The following SMIM14 variants were observed in gnomAD, a reference collection of about 807,000 sequenced individuals.
The protein encoded by SMIM14 is chromosome 4 open reading frame 34.
In SMIM14, 5 loss-of-function variants were observed where a neutral mutation model predicts 12.6. The observed-to-expected ratio is 0.40, with a 90% confidence interval of 0.21 to 0.83. SMIM14 has a LOEUF of 0.83. SMIM14 is among the 40% of genes least tolerant of loss of function. SMIM14 has a pLI of 0.37. For missense variants in SMIM14, 86 were observed against 119.1 expected, an observed-to-expected ratio of 0.72 and a Z score of 1.29; for synonymous variants, 30 against 40.1, an observed-to-expected ratio of 0.75 and a Z score of 0.95.
chr4:39,632,775 TCACACACACACA>T (rs369057968), intron 1 of SMIM14, among the ~76,000 whole-genome samples: 5,722 of 115,058 alleles, frequency 0.05, 199 homozygotes, highest in African/African-American at 0.093. Context: ...GAGACTCCCG[TCACACACACACA>T]CACACACACA....
At chr4:39,563,337 C>T (rs995602535) in intron 3 of SMIM14, among the ~76,000 whole-genome samples, 18 of 152,288 alleles carry the variant, frequency 1.2e-4, no homozygotes, top group African/African-American at 3.8e-4. Context: ...GATGGGATTA[C>T]AGGCATGAGC....
intron 1 of SMIM14, among the ~76,000 whole-genome samples, chr4:39,633,695 C>T (rs1560312900): frequency 6.6e-6 from 1 of 152,112 alleles, no homozygotes; most frequent in Non-Finnish European, 1.5e-5. Context: ...AAGGTTGAGG[C>T]TGCAGTGAGC....
At chr4:39,625,965 G>C (rs970672619) in intron 1 of SMIM14, among the ~76,000 whole-genome samples, 4 of 152,126 alleles carry the variant, frequency 2.6e-5, no homozygotes, top group Admixed American at 6.6e-5. Flanking sequence ...GCCATGGACT[G>C]GTACTGGTCT....
Position 39,558,094 on chromosome 4 carries a change from A to G in SMIM14, c.125-1524T>C, listed in dbSNP as rs370529848. ...ACGTCTTATTTAATTTGAAATAACAAGTGCCTAGCACAGTGCCTGACCCAT... is the reference window on the plus strand; with the variant it reads ...ACGTCTTATTTAATTTGAAATAACAGGTGCCTAGCACAGTGCCTGACCCAT... On this transcript the variant is annotated intron_variant, in intron 3 of 4. Coordinates refer to ENST00000295958, the MANE Select transcript of SMIM14 (RefSeq NM_174921.3). This position sits in a 1 kb window ranked among gnomAD's most constrained non-coding sequence, Gnocchi z 4.3. Among the ~76,000 whole-genome samples the G allele has an allele frequency of 9.2e-5, 14 of 152,310 alleles. No homozygotes were observed. In the South Asian group the frequency reaches 2.9e-3, roughly 32 times the overall value.
At chr4:39,563,676 C>A (rs1046208298) in intron 3 of SMIM14, among the ~76,000 whole-genome samples, 2 of 152,172 alleles carry the variant, frequency 1.3e-5, no homozygotes, top group Non-Finnish European at 2.9e-5. Context: ...ATCCCTCTTC[C>A]ATAAAAATCT....
chr4:39,572,551 C>T lies in SMIM14; in HGVS notation c.76-88G>A, dbSNP rs1221966637. The T allele has an allele frequency of 8.2e-5, 89 of 1,081,420 alleles. No homozygotes were observed. The East Asian group carries it at 2.0e-3, about 24-fold the overall frequency. 67.0% of individuals were successfully genotyped at this position (1,081,420 alleles called of 1,614,324 possible). A position where few individuals can be genotyped will look rare whatever the true frequency, so the allele number is the denominator to read the frequency against. On this transcript the variant is annotated intron_variant, in intron 2 of 4. Transcript: ENST00000295958. The stretch of plus-strand genomic sequence containing the variant: ...AGAAAGATCATGTTTTGGCCGGGTG[C>T]GGTGGCTCACGCCTGTAATCCCACA...
intron 3 of SMIM14, among the ~76,000 whole-genome samples, chr4:39,557,740 C>T (rs1157303017): frequency 1.3e-5 from 2 of 152,092 alleles, no homozygotes; most frequent in African/African-American, 4.8e-5. Context: ...GCCACGAATC[C>T]ATATGAATCC....
At chr4:39,607,939 T>C (rs1454534515) in intron 1 of SMIM14, among the ~76,000 whole-genome samples, 1 of 152,168 alleles carries the variant, frequency 6.6e-6, no homozygotes, top group Non-Finnish European at 1.5e-5. Flanking sequence ...TTAAAGTCAG[T>C]AATCATTAGG....
chr4:39,561,474 G>C (rs1382672659), intron 3 of SMIM14, among the ~76,000 whole-genome samples: 4 of 152,048 alleles, frequency 2.6e-5, no homozygotes, highest in Non-Finnish European at 5.9e-5. Context: ...GTTTCCCAAA[G>C]AGCTGAGATT....
chr4:39,586,040 C>CCCT, intron 2 of SMIM14, among the ~76,000 whole-genome samples: 1 of 152,230 alleles, frequency 6.6e-6, no homozygotes. Flanking sequence ...CATCCAGTCT[C>CCCT]CCTCCCTTTT....
At chr4:39,632,478 C>CAA (rs71192888) in intron 1 of SMIM14, among the ~76,000 whole-genome samples, 23 of 88,634 alleles carry the variant, frequency 2.6e-4, no homozygotes, top group East Asian at 6.3e-4. Flanking sequence ...GACTCCGTCT[C>CAA]AAAAAAAAAA....
At chr4:39,631,305 C>T (rs1715885630) in intron 1 of SMIM14, among the ~76,000 whole-genome samples, 1 of 150,928 alleles carries the variant, frequency 6.6e-6, no homozygotes, top group Admixed American at 6.6e-5. Context: ...GCACTCTAGC[C>T]CGGGTGACAG....
Position 39,556,470 on chromosome 4 carries a change from T to TA in SMIM14, c.224dup (p.Arg76LysfsTer14). On this transcript the variant is annotated frameshift_variant, in exon 4 of 5. Coordinates refer to ENST00000295958, the MANE Select transcript of SMIM14 (RefSeq NM_174921.3). LOFTEE classifies it high-confidence loss of function. ...GCTTTCCAGGTAGGCTGGATCCTCT[T>TA]AGATTAGGAGGTCTCAGTAAGAACA... 1 of 1,613,730 alleles carries TA rather than the reference T, an allele frequency of 6.2e-7. No individual in the cohort carries two copies. Among genetic ancestry groups the TA allele is most frequent in the South Asian group, 1.1e-5 (1 of 90,964 alleles).
In SMIM14 at chr4:39,571,369, G is replaced by A. The variant is rs150466095; in HGVS notation, c.124+1046C>T. ...GAGGCAGAAGGATCACTTGATCCCA[G>A]GAGTTTAAGACCCATGTGGGCAACA... On this transcript the variant is annotated intron_variant, in intron 3 of 4. Coordinates refer to ENST00000295958, the MANE Select transcript of SMIM14 (RefSeq NM_174921.3). Among the ~76,000 whole-genome samples the A allele has an allele frequency of 2.2e-3, 332 of 152,068 alleles. 2 individuals carry two copies. The highest frequency in any genetic ancestry group is 3.9e-3 in the Non-Finnish European group (266 of 67,998).
intron 1 of SMIM14, among the ~76,000 whole-genome samples, chr4:39,633,083 C>T (rs910441237): frequency 6.6e-6 from 1 of 151,974 alleles, no homozygotes; most frequent in South Asian, 2.1e-4. Context: ...CACCTAAGGT[C>T]AGGAGTTCGA....
At chr4:39,603,777 G>A (rs996342344) in intron 2 of SMIM14, among the ~76,000 whole-genome samples, 5 of 151,896 alleles carry the variant, frequency 3.3e-5, no homozygotes, top group East Asian at 1.9e-4. Context: ...TTCGGGGACC[G>A]AGGTTGGCAG....
intron 1 of SMIM14, among the ~76,000 whole-genome samples, chr4:39,618,321 A>G (rs1715297591): frequency 6.6e-6 from 1 of 152,184 alleles, no homozygotes; most frequent in South Asian, 2.1e-4. Flanking sequence ...AAAAACGATG[A>G]GCAAGATGTG....
intron 1 of SMIM14, among the ~76,000 whole-genome samples, chr4:39,620,444 C>T (rs1715442315): frequency 6.6e-6 from 1 of 151,896 alleles, no homozygotes; most frequent in Non-Finnish European, 1.5e-5. Context: ...CGCGCCACTG[C>T]ACTCCATCCT....
intron 1 of SMIM14, among the ~76,000 whole-genome samples, chr4:39,619,030 T>C (rs1560306678): frequency 3.3e-5 from 5 of 152,162 alleles, no homozygotes; most frequent in Middle Eastern, 3.4e-3. Context: ...ATATGTGATA[T>C]ACTATCTCTA....
Sources: allele counts gnomAD v4.1 joint callset (sites outside exome capture counted in the v4.1 genomes callset), GRCh38; gene constraint gnomAD v4.1.1; non-coding constraint Gnocchi (gnomAD v3.1); transcripts MANE v1.5; gene names NCBI Gene and HGNC (gene_info 2026-07-23, HGNC 2026-07-21).